The following NT5C3B variants were observed in gnomAD, a reference collection of about 807,000 sequenced individuals.
The protein encoded by NT5C3B is 5'-nucleotidase, cytosolic IIIB.
NT5C3B carries 28 observed loss-of-function variants against 32.5 expected under a neutral mutation model. The ratio of observed to expected loss-of-function variants is 0.86; its 90% confidence interval spans 0.64 to 1.18. The LOEUF (loss-of-function observed/expected upper bound fraction) is 1.18, where lower values mean the gene tolerates loss of function less well. Ranked by LOEUF, NT5C3B falls within the 50% of genes most tolerant of loss-of-function variation. NT5C3B has a pLI of 0.00. For missense variants in NT5C3B, 317 were observed against 322.0 expected (o/e 0.98, Z 0.12); for synonymous variants, 138 against 118.0 (o/e 1.17, Z -1.10).
chr17:41,827,998 T>A (rs144201618), intron 7 of NT5C3B, among the ~76,000 whole-genome samples: 2 of 152,312 alleles, frequency 1.3e-5, no homozygotes, highest in East Asian at 3.9e-4. Flanking sequence ...ATATTGCAGA[T>A]CATCTGTTCT....
chr17:41,830,499 T>C (rs1382392471), intron 6 of NT5C3B, among the ~76,000 whole-genome samples: 5 of 151,890 alleles, frequency 3.3e-5, no homozygotes, highest in Non-Finnish European at 7.4e-5. Flanking sequence ...CAGAGCGAGA[T>C]TCTGTCTTGA....
chr17:41,835,065 C>T lies in NT5C3B; in HGVS notation c.228+5G>A, dbSNP rs183919025. 4.0e-3 allele frequency: 6,407 copies of T among 1,613,886 alleles called. 14 individuals carry two copies. Among genetic ancestry groups the T allele is most frequent in the Non-Finnish European group, 4.7e-3 (5,591 of 1,179,796 alleles). ...ATTTCTGAGCAAAGGACGGGAGCAACCCACCTCTTTCCGACACTCCTCACT... is the reference window on the plus strand; with the variant it reads ...ATTTCTGAGCAAAGGACGGGAGCAATCCACCTCTTTCCGACACTCCTCACT... On this transcript the variant is annotated splice_donor_5th_base_variant and intron_variant, in intron 4 of 8. Transcript: ENST00000435506.
Position 41,835,850 on chromosome 17 carries a change from C to T in NT5C3B, c.111+9G>A. The T allele has an allele frequency of 6.2e-7, 1 of 1,605,102 alleles. No homozygotes were observed. Among genetic ancestry groups the T allele is most frequent in the Non-Finnish European group, 8.5e-7 (1 of 1,176,864 alleles). On this transcript the variant is annotated intron_variant, in intron 2 of 8. Coordinates refer to ENST00000435506, the MANE Select transcript of NT5C3B (RefSeq NM_052935.5). ...CAGCCCGGCCGGCCCCCGCACGCCC[C>T]AGAGGTACCTGTAACCGGTCTCCGC...
At chr17:41,834,029 G>A (rs1481725199) in intron 4 of NT5C3B, among the ~76,000 whole-genome samples, 1 of 152,178 alleles carries the variant, frequency 6.6e-6, no homozygotes, top group Non-Finnish European at 1.5e-5. Flanking sequence ...AGATGACATA[G>A]TAACAAAGGC....
intron 8 of NT5C3B, 133 bp from the exon 9 acceptor site, chr17:41,825,790 G>A: frequency 2.6e-6 from 2 of 765,702 alleles, no homozygotes; most frequent in East Asian, 2.4e-5. Context: ...AGAGCCAAAG[G>A]AGTTCAAGGT....
rs1555619634 is a variant in NT5C3B, at chr17:41,835,112, AAT to A, written c.184_185del (p.Ile62SerfsTer3). On this transcript the variant is annotated frameshift_variant and splice_region_variant, in exon 4 of 9. Coordinates refer to ENST00000435506, the MANE Select transcript of NT5C3B (RefSeq NM_052935.5). LOFTEE classifies it high-confidence loss of function. ...NGKRCPSSYN[I>X]LDNSKIISEE... ...CACTGATGATCTTGCTATTATCCAG[AAT>A]ATCTGGAAAAAGAGAAAACTCCTTT... 1.9e-6 allele frequency: 3 copies of A among 1,614,046 alleles called. No homozygotes were observed. The highest frequency in any genetic ancestry group is 2.7e-5 in the African/African-American group (2 of 74,928).
Position 41,825,748 on chromosome 17 carries a change from G to A in NT5C3B, c.769-91C>T, listed in dbSNP as rs1188260859. On this transcript the variant is annotated intron_variant, in intron 8 of 8. Transcript: ENST00000435506. Reference sequence around the variant, plus strand: ...AAAGCCCCTGGGGCTGGGGAGGAGAGCATTCAAGCAGCAACTCCCAGCTCC... The same window carrying A: ...AAAGCCCCTGGGGCTGGGGAGGAGAACATTCAAGCAGCAACTCCCAGCTCC... The A allele has an allele frequency of 4.8e-6, 4 of 827,180 alleles. 1 individual carries two copies. Among genetic ancestry groups the A allele is most frequent in the South Asian group, 4.2e-5 (3 of 70,816 alleles). The allele number at this position is 827,180 out of a possible 1,614,324, so 51.2% of individuals were successfully genotyped here.
intron 8 of NT5C3B, among the ~76,000 whole-genome samples, chr17:41,826,972 C>T (rs1411399651): frequency 1.0e-4 from 15 of 147,196 alleles, no homozygotes; most frequent in African/African-American, 3.8e-4. Flanking sequence ...TGCACTGTAG[C>T]CTGCGGAACA....
intron 5 of NT5C3B, among the ~76,000 whole-genome samples, chr17:41,831,515 A>T (rs1382181503): frequency 6.6e-6 from 1 of 152,042 alleles, no homozygotes; most frequent in African/African-American, 2.4e-5. Flanking sequence ...CCCAGTGTGG[A>T]GGTGTTGAGA....
chr17:41,826,787 G>A (rs1275029586), intron 8 of NT5C3B, among the ~76,000 whole-genome samples: 2 of 152,062 alleles, frequency 1.3e-5, no homozygotes, highest in Non-Finnish European at 2.9e-5. Flanking sequence ...GATCACCTGA[G>A]GTCGGGAGTT....
intron 7 of NT5C3B, among the ~76,000 whole-genome samples, chr17:41,827,828 A>G (rs782209673): frequency 6.6e-6 from 1 of 152,252 alleles, no homozygotes; most frequent in East Asian, 1.9e-4. Flanking sequence ...AGCCAAACTC[A>G]TTTGTTTACA....
Position 41,827,682 on chromosome 17 carries a change from A to AC in NT5C3B, c.568-57_568-56insG, listed in dbSNP as rs1483899101. The AC allele has an allele frequency of 5.2e-6, 4 of 776,246 alleles. No individual in the cohort carries two copies. The East Asian group carries it at 9.7e-5, about 19-fold the overall frequency. The allele number at this position is 776,246 out of a possible 1,614,324, so 48.1% of individuals were successfully genotyped here. ...GGGCTGCAGGGACCCATGTGGCACC[A>AC]GCTCTCCACTGTCTCTGTCACAGAG... On this transcript the variant is annotated intron_variant, in intron 7 of 8. Transcript: ENST00000435506.
chr17:41,835,522 CT>C, intron 2 of NT5C3B: 1 of 684,120 alleles, frequency 1.5e-6, no homozygotes, highest in Non-Finnish European at 2.7e-6. Flanking sequence ...CCTCTGACTC[CT>C]TCAATATCAG....
intron 7 of NT5C3B, among the ~76,000 whole-genome samples, chr17:41,827,892 C>T (rs552147084): frequency 1.3e-5 from 2 of 152,326 alleles, no homozygotes; most frequent in South Asian, 4.1e-4. Context: ...GCAGTTGCAA[C>T]AGTGATGCCA....
intron 5 of NT5C3B, 114 bp downstream of exon 5, chr17:41,832,278 G>T: frequency 1.2e-6 from 1 of 808,698 alleles, no homozygotes; most frequent in Non-Finnish European, 2.0e-6. Flanking sequence ...ATTAAATTAA[G>T]CCCTCAGTGA....
chr17:41,826,358 GAACTAC>G (rs1567859328), intron 8 of NT5C3B, among the ~76,000 whole-genome samples: 2 of 152,050 alleles, frequency 1.3e-5, no homozygotes, highest in African/African-American at 4.8e-5. Flanking sequence ...TGAGTAACTA[GAACTAC>G]AGGCATGCTA....
At chr17:41,832,662 G>A in intron 4 of NT5C3B, 185 bp from the exon 5 acceptor site, 1 of 430,000 alleles carries the variant, frequency 2.3e-6, no homozygotes, top group Non-Finnish European at 4.3e-6. Flanking sequence ...GAGGTCAGGA[G>A]TTCGAGTCCA....
At chr17:41,826,626 G>A (rs1382104968) in intron 8 of NT5C3B, among the ~76,000 whole-genome samples, 2 of 151,902 alleles carry the variant, frequency 1.3e-5, no homozygotes, top group Non-Finnish European at 2.9e-5. Flanking sequence ...GCAGGGAGCC[G>A]AGATCGTGCC....
At position 41,834,660 on chromosome 17, in the gene NT5C3B, G is replaced by T. The variant is rs554222130; in HGVS notation, c.228+410C>A. Reference sequence around the variant, plus strand: ...CTACTCAGTAGGGCTGAGGCAGGAGGATCACTTGAGCCTAGGAGGTCAAGG... The same window carrying T: ...CTACTCAGTAGGGCTGAGGCAGGAGTATCACTTGAGCCTAGGAGGTCAAGG... On this transcript the variant is annotated intron_variant, in intron 4 of 8. Transcript: ENST00000435506. Among the ~76,000 whole-genome samples, 261 of 152,124 alleles carry T rather than the reference G, an allele frequency of 1.7e-3. 2 individuals carry two copies. Among genetic ancestry groups the T allele is most frequent in the African/African-American group, 6.0e-3 (250 of 41,496 alleles).
Sources: allele counts gnomAD v4.1 joint callset (sites outside exome capture counted in the v4.1 genomes callset), GRCh38; gene constraint gnomAD v4.1.1; transcripts MANE v1.5; gene names NCBI Gene and HGNC (gene_info 2026-07-23, HGNC 2026-07-21).